The following MTAP variants were observed in gnomAD, a reference collection of about 807,000 sequenced individuals.
MTAP encodes the protein methylthioadenosine phosphorylase, also known as S-methyl-5'-thioadenosine phosphorylase.
MTAP carries 33 observed loss-of-function variants against 33.6 expected under a neutral mutation model. The ratio of observed to expected loss-of-function variants is 0.98; its 90% confidence interval spans 0.74 to 1.31. The LOEUF (loss-of-function observed/expected upper bound fraction) is 1.31. MTAP is among the 40% of genes most tolerant of loss of function. The probability of loss-of-function intolerance (pLI) is 0.00; values close to 1 mark genes in which losing one functional copy is unlikely to be tolerated. For missense variants in MTAP, 367 were observed against 360.0 expected (o/e 1.02, Z -0.16); for synonymous variants, 148 against 125.7 (o/e 1.18, Z -1.19).
chr9:21,892,098 T>G lies in MTAP; in HGVS notation c.147+37228T>G, dbSNP rs1818210425. The G allele has an allele frequency of 3.3e-5, 5 of 152,148 alleles. No homozygotes were observed. In the South Asian group the frequency reaches 1.0e-3, roughly 32 times the overall value. 9.4% of individuals were successfully genotyped at this position (152,148 alleles called of 1,614,324 possible). On this transcript the variant is annotated intron_variant, in intron 1 of 1. Transcript: ENST00000577563. ...CTAAGGGAATTTGTTACCATCAGAC[T>G]TACCATACAAGTCCTAAAGGAAGTG...
chr9:21,913,352 G>A (rs1482034687), intron 1 of MTAP, among the ~76,000 whole-genome samples: 1 of 152,180 alleles, frequency 6.6e-6, no homozygotes, highest in Non-Finnish European at 1.5e-5. Flanking sequence ...CAAAGCTGGA[G>A]GCATCACGCT....
chr9:21,834,955 T>A (rs1003623743), intron 4 of MTAP, among the ~76,000 whole-genome samples: 1 of 152,170 alleles, frequency 6.6e-6, no homozygotes, highest in African/African-American at 2.4e-5. Flanking sequence ...TGTATATGTG[T>A]GTCTTAGTCT....
intron 6 of MTAP, among the ~76,000 whole-genome samples, chr9:21,855,106 G>A (rs1825608516): frequency 6.6e-6 from 1 of 152,190 alleles, no homozygotes; most frequent in Admixed American, 6.5e-5. Flanking sequence ...AGGTAGATGT[G>A]TTGAGAATCA....
chr9:21,813,286 A>G (rs1344240834), intron 1 of MTAP, among the ~76,000 whole-genome samples: 1 of 152,210 alleles, frequency 6.6e-6, no homozygotes. Flanking sequence ...AGGTTTCCGT[A>G]AACAACTGGA....
chr9:21,847,695 A>G (rs777739013), intron 5 of MTAP, among the ~76,000 whole-genome samples: 1 of 152,230 alleles, frequency 6.6e-6, no homozygotes. Flanking sequence ...AAGTGATGAA[A>G]GAAAATAATG....
chr9:21,935,747 TTTAG>T (rs1819031882), downstream of MTAP: 1 of 152,164 alleles, frequency 6.6e-6, no homozygotes, highest in South Asian at 2.1e-4. Flanking sequence ...AAGACTTAGT[TTTAG>T]TTAGTCTCAT....
intron 6 of MTAP, among the ~76,000 whole-genome samples, chr9:21,855,159 G>C (rs1367168227): frequency 1.3e-5 from 2 of 152,150 alleles, no homozygotes; most frequent in Non-Finnish European, 2.9e-5. Context: ...GGTGTATTTT[G>C]ATTGCCAATT....
At chr9:21,810,069 A>G (rs965121892) in intron 1 of MTAP, among the ~76,000 whole-genome samples, 1 of 152,216 alleles carries the variant, frequency 6.6e-6, no homozygotes, top group Non-Finnish European at 1.5e-5. Context: ...TAAAATATAG[A>G]GTCACTGTAT....
At chr9:21,898,529 T>G (rs1397394437) in intron 1 of MTAP, among the ~76,000 whole-genome samples, 4 of 152,074 alleles carry the variant, frequency 2.6e-5, no homozygotes, top group Non-Finnish European at 4.4e-5. Context: ...CTTAAACAAA[T>G]TTACAAGAAA....
At chr9:21,877,722 TG>T (rs776294268) in intron 1 of MTAP, among the ~76,000 whole-genome samples, 38 of 152,174 alleles carry the variant, frequency 2.5e-4, no homozygotes, top group Non-Finnish European at 5.0e-4. Context: ...TTGATTATGG[TG>T]GATAAGCTTT....
At chr9:21,838,960 A>C (rs1408260020) in intron 5 of MTAP, among the ~76,000 whole-genome samples, 10 of 152,202 alleles carry the variant, frequency 6.6e-5, no homozygotes, top group Non-Finnish European at 4.4e-5. Context: ...GATTTCTTTT[A>C]GCATTTATGT....
chr9:21,894,549 A>G (rs2118765212), intron 1 of MTAP, among the ~76,000 whole-genome samples: 1 of 144,118 alleles, frequency 6.9e-6, no homozygotes, highest in Non-Finnish European at 1.5e-5. Flanking sequence ...TTGAACAATG[A>G]GAACACTTGG....
At chr9:21,828,765 A>G (rs1824888849) in intron 4 of MTAP, among the ~76,000 whole-genome samples, 2 of 152,242 alleles carry the variant, frequency 1.3e-5, no homozygotes, top group African/African-American at 4.8e-5. Flanking sequence ...TAACGTTTTG[A>G]ATATATTAGG....
intron 1 of MTAP, among the ~76,000 whole-genome samples, chr9:21,877,132 G>T (rs952806868): frequency 6.6e-6 from 1 of 152,088 alleles, no homozygotes; most frequent in Non-Finnish European, 1.5e-5. Flanking sequence ...TTGTGAATGG[G>T]ATTGCATTCC....
chr9:21,918,078 G>A (rs1315964788), intron 1 of MTAP, among the ~76,000 whole-genome samples: 3 of 124,584 alleles, frequency 2.4e-5, no homozygotes, highest in African/African-American at 3.9e-5. Flanking sequence ...TGGGCCGGGC[G>A]CGGTGGCTCC....
At chr9:21,829,109 G>A (rs1001719161) in intron 4 of MTAP, among the ~76,000 whole-genome samples, 1 of 152,226 alleles carries the variant, frequency 6.6e-6, no homozygotes, top group Admixed American at 6.5e-5. Context: ...GAATCTTGGT[G>A]TATTGAGACG....
At chr9:21,837,165 C>G (rs1587231686) in intron 4 of MTAP, among the ~76,000 whole-genome samples, 1 of 152,250 alleles carries the variant, frequency 6.6e-6, no homozygotes, top group South Asian at 2.1e-4. Context: ...AAGACTTGAA[C>G]TAAGACACTT....
chr9:21,815,818 C>G (rs139415180), intron 2 of MTAP, among the ~76,000 whole-genome samples: 1 of 152,296 alleles, frequency 6.6e-6, no homozygotes, highest in African/African-American at 2.4e-5. Context: ...TCAGACTGTA[C>G]TTTTCAAATC....
intron 1 of MTAP, among the ~76,000 whole-genome samples, chr9:21,928,456 A>T (rs751216334): frequency 8.5e-5 from 13 of 152,254 alleles, no homozygotes; most frequent in Non-Finnish European, 1.9e-4. Context: ...CACAGGTGTA[A>T]GTACCTCTTG....
Sources: allele counts gnomAD v4.1 joint callset (sites outside exome capture counted in the v4.1 genomes callset), GRCh38; gene constraint gnomAD v4.1.1; transcripts MANE v1.5; gene names NCBI Gene and HGNC (gene_info 2026-07-23, HGNC 2026-07-21).